Variants in KDM4C observed in about 807,000 individuals in gnomAD.
The protein encoded by KDM4C is lysine demethylase 4C.
A neutral mutation model predicts 129.3 loss-of-function variants in KDM4C; 81 were observed. The observed-to-expected ratio is 0.63, with a 90% CI of 0.52 to 0.75. The LOEUF (loss-of-function observed/expected upper bound fraction) is 0.75. Among genes scored for constraint, KDM4C ranks in the 30% least tolerant of loss-of-function variants. The pLI is 0.00. For synonymous variants in KDM4C, 573 were observed against 456.1 expected (o/e 1.26, Z -3.26); for missense variants, 1,457 against 1,304.0 (o/e 1.12, Z -1.81).
intron 3 of KDM4C, among the ~76,000 whole-genome samples, chr9:6,806,516 A>C (rs901938257): frequency 6.6e-5 from 10 of 151,504 alleles, no homozygotes; most frequent in African/African-American, 2.4e-4. Flanking sequence ...TAAATAAATA[A>C]ATAAATAAAT....
intron 1 of KDM4C, chr9:6,721,071 T>C: frequency 7.6e-7 from 1 of 1,323,254 alleles, no homozygotes. Context: ...AAAGCAATGT[T>C]AATTTCTTTA....
At chr9:6,799,227 A>G (rs1195005609) in intron 2 of KDM4C, among the ~76,000 whole-genome samples, 1 of 151,466 alleles carries the variant, frequency 6.6e-6, no homozygotes, top group East Asian at 1.9e-4. Context: ...TGGGAGGTGG[A>G]GGTTGTAGCG....
chr9:6,915,965 G>T (rs1820236865), intron 8 of KDM4C, among the ~76,000 whole-genome samples: 1 of 152,154 alleles, frequency 6.6e-6, no homozygotes, highest in South Asian at 2.1e-4. Flanking sequence ...AATAGTACAA[G>T]GTAATCAGGG....
At chr9:7,125,349 C>G (rs1420215537) in intron 18 of KDM4C, among the ~76,000 whole-genome samples, 2 of 152,172 alleles carry the variant, frequency 1.3e-5, no homozygotes, top group Admixed American at 6.5e-5. Context: ...AGAATGTGTT[C>G]CATCAGTCTT....
intron 1 of KDM4C, among the ~76,000 whole-genome samples, chr9:6,737,763 C>G (rs576542565): frequency 2.0e-4 from 31 of 151,282 alleles, no homozygotes; most frequent in African/African-American, 6.8e-4. Flanking sequence ...TTCAACATCA[C>G]TAATCGTTAA....
At chr9:6,889,931 A>G (rs1487043080) in intron 7 of KDM4C, among the ~76,000 whole-genome samples, 1 of 152,134 alleles carries the variant, frequency 6.6e-6, no homozygotes, top group Non-Finnish European at 1.5e-5. Flanking sequence ...CCAGTACTAC[A>G]TGGTAGATCG....
At chr9:6,843,785 A>G (rs1476571170) in intron 4 of KDM4C, among the ~76,000 whole-genome samples, 1 of 152,226 alleles carries the variant, frequency 6.6e-6, no homozygotes, top group Non-Finnish European at 1.5e-5. Flanking sequence ...GCAGTGACAC[A>G]GTTTTCAAAA....
rs71308873 is a variant in KDM4C at position 6,725,323 on chromosome 9, A to AGTGTGTGT, written c.49+4335_49+4342dup. ...ATTGGGCTCTTGCTGGAGTGCATCT[A>AGTGTGTGT]GTGTGTGTGTGTGTGTCTTTCTCTG... On this transcript the variant is annotated intron_variant, in intron 1 of 17. Coordinates refer to the KDM4C transcript ENST00000536108. Among the ~76,000 whole-genome samples the AGTGTGTGT allele has an allele frequency of 1.7e-3, 259 of 150,330 alleles. 2 individuals carry two copies. Among genetic ancestry groups the AGTGTGTGT allele is most frequent in the Non-Finnish European group, 2.6e-3 (179 of 67,586 alleles).
chr9:7,066,384 A>G (rs777536890), intron 17 of KDM4C, among the ~76,000 whole-genome samples: 1 of 152,220 alleles, frequency 6.6e-6, no homozygotes, highest in African/African-American at 2.4e-5. Flanking sequence ...TTTGGAAGGC[A>G]CAAGAGAAGG....
chr9:6,913,263 C>A (rs1393478070), intron 8 of KDM4C, among the ~76,000 whole-genome samples: 1 of 151,856 alleles, frequency 6.6e-6, no homozygotes, highest in Non-Finnish European at 1.5e-5. Flanking sequence ...AAATAAAAAA[C>A]CCTTTCATTA....
At chr9:7,005,049 T>A (rs1821409021) in intron 12 of KDM4C, among the ~76,000 whole-genome samples, 1 of 152,136 alleles carries the variant, frequency 6.6e-6, no homozygotes, top group Non-Finnish European at 1.5e-5. Context: ...TGACAAAGGC[T>A]TGAGTCAACA....
At chr9:6,878,432 G>T (rs987622607) in intron 5 of KDM4C, among the ~76,000 whole-genome samples, 4 of 152,156 alleles carry the variant, frequency 2.6e-5, no homozygotes, top group African/African-American at 9.7e-5. Context: ...CTGCACCTGG[G>T]AAATACTTGT....
chr9:7,031,818 G>A (rs1035367162), intron 15 of KDM4C, among the ~76,000 whole-genome samples: 20 of 152,154 alleles, frequency 1.3e-4, no homozygotes, highest in African/African-American at 4.3e-4. Context: ...CCAAAGTGAA[G>A]TCATTTGTCT....
intron 15 of KDM4C, 39 bp downstream of exon 15, chr9:7,015,968 C>T: frequency 1.4e-6 from 2 of 1,401,270 alleles, no homozygotes; most frequent in Non-Finnish European, 2.0e-6. Context: ...CCTTTCTTCC[C>T]ACCCTACCCA....
chr9:7,167,440 A>G (rs1399151780), intron 20 of KDM4C, among the ~76,000 whole-genome samples: 1 of 152,232 alleles, frequency 6.6e-6, no homozygotes, highest in Non-Finnish European at 1.5e-5. Context: ...AACAAATGAA[A>G]GTAGGCACAG....
intron 21 of KDM4C, chr9:7,170,691 T>C (rs1587981095): frequency 1.0e-6 from 1 of 976,026 alleles, no homozygotes; most frequent in South Asian, 4.7e-5. Context: ...ATGGGGTTTT[T>C]CTGACTAAAA....
chr9:6,763,378 T>C (rs1479558360), intron 1 of KDM4C, among the ~76,000 whole-genome samples: 1 of 152,210 alleles, frequency 6.6e-6, no homozygotes, highest in African/African-American at 2.4e-5. Context: ...CTCAGCTCAG[T>C]TGTCAACTTC....
At chr9:7,024,105 G>C (rs1825361512) in intron 15 of KDM4C, among the ~76,000 whole-genome samples, 1 of 152,092 alleles carries the variant, frequency 6.6e-6, no homozygotes, top group South Asian at 2.1e-4. Flanking sequence ...TGTATCCTGT[G>C]ACCTTCGTAT....
At chr9:6,794,798 CAT>C (rs2130896545) in intron 2 of KDM4C, among the ~76,000 whole-genome samples, 1 of 152,084 alleles carries the variant, frequency 6.6e-6, no homozygotes, top group East Asian at 1.9e-4. Context: ...TGCCCCGAGT[CAT>C]AGGGGTGGTC....
Sources: allele counts gnomAD v4.1 joint callset (sites outside exome capture counted in the v4.1 genomes callset), GRCh38; gene constraint gnomAD v4.1.1; transcripts MANE v1.5; gene names NCBI Gene and HGNC (gene_info 2026-07-23, HGNC 2026-07-21).